The following NLGN1 variants were observed in gnomAD, a reference collection of about 807,000 sequenced individuals.
NLGN1 encodes the protein neuroligin 1, also known as neuroligin-1.
NLGN1 carries 12 observed loss-of-function variants against 65.5 expected under a neutral mutation model. That is an observed-to-expected ratio of 0.18 (90% confidence interval 0.12 to 0.30). The LOEUF is 0.30. Among genes scored for constraint, NLGN1 ranks in the 10% least tolerant of loss-of-function variants. The probability of loss-of-function intolerance (pLI) is 1.00; values close to 1 mark genes in which losing one functional copy is unlikely to be tolerated. For missense variants in NLGN1, 750 were observed against 1,007.1 expected (o/e 0.74, Z 3.46); for synonymous variants, 350 against 359.5 (o/e 0.97, Z 0.30).
chr3:173,805,939 AT>A (rs1180412668), intron 3 of NLGN1, among the ~76,000 whole-genome samples: 4 of 152,022 alleles, frequency 2.6e-5, no homozygotes, highest in Non-Finnish European at 5.9e-5. Flanking sequence ...AATGAATACT[AT>A]TTTTTTCTCC....
intron 4 of NLGN1, among the ~76,000 whole-genome samples, chr3:174,219,581 G>A (rs896664658): frequency 6.6e-6 from 1 of 152,128 alleles, no homozygotes; most frequent in African/African-American, 2.4e-5. Context: ...GAGAACTGCA[G>A]CAAGGAGACT....
At chr3:173,838,311 T>C (rs1326020604) in intron 4 of NLGN1, among the ~76,000 whole-genome samples, 1 of 152,148 alleles carries the variant, frequency 6.6e-6, no homozygotes, top group Non-Finnish European at 1.5e-5. Flanking sequence ...CCTTATAAAA[T>C]AGATATGATA....
intron 4 of NLGN1, among the ~76,000 whole-genome samples, chr3:174,206,554 C>G (rs1032576000): frequency 6.6e-6 from 1 of 152,212 alleles, no homozygotes; most frequent in Non-Finnish European, 1.5e-5. Flanking sequence ...GTCCTACACT[C>G]AGCCCCCACT....
At chr3:173,403,790 G>A (rs921648058) in intron 1 of NLGN1, among the ~76,000 whole-genome samples, 1 of 151,776 alleles carries the variant, frequency 6.6e-6, no homozygotes, top group Non-Finnish European at 1.5e-5. Flanking sequence ...TTTTTAAATC[G>A]TAGCTGCTTC....
At chr3:173,664,400 G>A (rs1001860385) in intron 3 of NLGN1, among the ~76,000 whole-genome samples, 1 of 152,002 alleles carries the variant, frequency 6.6e-6, no homozygotes, top group African/African-American at 2.4e-5. Flanking sequence ...AATGGAATTG[G>A]CATCTAAATT....
rs138578868 is a variant in NLGN1, at chr3:173,922,855, G to C, written c.646+115023G>C. 3.1e-3 allele frequency among the ~76,000 whole-genome samples: 465 copies of C among 152,108 alleles called. 1 individual carries two copies. Among genetic ancestry groups the C allele is most frequent in the Non-Finnish European group, 5.5e-3 (371 of 67,980 alleles). ...TAGACTGCTTGGGGTTAAATTCCAC[G>C]AGCAATTCCATTAAACTCTTTATTC... On this transcript the variant is annotated intron_variant, in intron 4 of 6. Coordinates refer to ENST00000457714, the Ensembl canonical transcript of NLGN1.
intron 4 of NLGN1, among the ~76,000 whole-genome samples, chr3:173,974,229 A>C (rs1716926122): frequency 7.3e-6 from 1 of 136,214 alleles, no homozygotes; most frequent in African/African-American, 2.6e-5. Flanking sequence ...ACTTCATTCC[A>C]AAAAAAAAAA....
At chr3:173,438,414 T>G (rs1203531842) in intron 2 of NLGN1, among the ~76,000 whole-genome samples, 3 of 152,008 alleles carry the variant, frequency 2.0e-5, no homozygotes, top group Admixed American at 1.3e-4. Context: ...ATGGCAGAAA[T>G]GAAGGAAATA....
At chr3:173,643,857 T>C (rs1043542478) in intron 3 of NLGN1, among the ~76,000 whole-genome samples, 1 of 152,202 alleles carries the variant, frequency 6.6e-6, no homozygotes, top group African/African-American at 2.4e-5. Flanking sequence ...TGTGCCATCA[T>C]GTGCACTGGT....
At chr3:174,133,032 C>T (rs9883348) in intron 4 of NLGN1, among the ~76,000 whole-genome samples, 8,398 of 152,266 alleles carry the variant, frequency 0.055, 297 homozygotes, top group African/African-American at 0.086. Context: ...TGCCAGTAAA[C>T]TAAAAATGAT....
At chr3:173,440,959 T>A (rs1040497319) in intron 2 of NLGN1, among the ~76,000 whole-genome samples, 1 of 152,204 alleles carries the variant, frequency 6.6e-6, no homozygotes, top group African/African-American at 2.4e-5. Context: ...AATTTGTTGC[T>A]TTCTATAGCC....
chr3:173,994,098 A>C (rs1300295820), intron 4 of NLGN1, among the ~76,000 whole-genome samples: 1 of 151,982 alleles, frequency 6.6e-6, no homozygotes, highest in African/African-American at 2.4e-5. Context: ...AAAAATATAA[A>C]GTTTAATACT....
chr3:173,640,784 G>A (rs1577684793), intron 3 of NLGN1, among the ~76,000 whole-genome samples: 1 of 152,030 alleles, frequency 6.6e-6, no homozygotes, highest in South Asian at 2.1e-4. Flanking sequence ...AAGTCCAAAC[G>A]TTGCTTACAA....
intron 2 of NLGN1, among the ~76,000 whole-genome samples, chr3:173,499,692 G>A (rs1397512377): frequency 6.6e-6 from 1 of 151,814 alleles, no homozygotes; most frequent in Non-Finnish European, 1.5e-5. Flanking sequence ...CATGAGCATG[G>A]GATGTTCTTC....
chr3:173,710,707 T>G (rs1768815142), intron 3 of NLGN1, among the ~76,000 whole-genome samples: 1 of 152,184 alleles, frequency 6.6e-6, no homozygotes, highest in Admixed American at 6.5e-5. Context: ...CTGAGAATCT[T>G]TTAACAATAA....
rs1056534202 is a variant in NLGN1 at position 173,497,924 on chromosome 3, A to G, written c.-321+62846A>G. Among the ~76,000 whole-genome samples, 71 of 151,832 alleles carry G rather than the reference A, an allele frequency of 4.7e-4. 1 individual carries two copies. Among genetic ancestry groups the G allele is most frequent in the African/African-American group, 1.7e-3 (71 of 41,140 alleles). On this transcript the variant is annotated intron_variant, in intron 2 of 6. Coordinates refer to ENST00000457714, the Ensembl canonical transcript of NLGN1. ...TATGAATGTATCTGATAATTTTCAT[A>G]ATAAAAATTCCTTTGTTGTTCAGAA...
At chr3:173,926,284 T>G in intron 4 of NLGN1, among the ~76,000 whole-genome samples, 1 of 152,326 alleles carries the variant, frequency 6.6e-6, no homozygotes, top group Non-Finnish European at 1.5e-5. Context: ...CTGGAAAAGA[T>G]AATTTTACTA....
chr3:174,107,093 T>C (rs569797570), intron 4 of NLGN1, among the ~76,000 whole-genome samples: 1 of 151,092 alleles, frequency 6.6e-6, no homozygotes, highest in African/African-American at 2.4e-5. Context: ...CCTACTTCAG[T>C]TGTCACATAA....
Position 173,903,292 on chromosome 3 carries a change from G to C in NLGN1, c.646+95460G>C, listed in dbSNP as rs960655943. ...AGCATGGGGAGGAGAGGATGATCAG[G>C]AGAGAGAACAGACCAGACTCAGCTA... is the stretch of plus-strand genomic sequence containing the variant. On this transcript the variant is annotated intron_variant, in intron 4 of 6. Transcript: ENST00000457714. Among the ~76,000 whole-genome samples, 4 of 152,058 alleles carry C rather than the reference G, an allele frequency of 2.6e-5. No individual in the cohort carries two copies. In the East Asian group the frequency reaches 5.8e-4, roughly 22 times the overall value.
Sources: allele counts gnomAD v4.1 joint callset (sites outside exome capture counted in the v4.1 genomes callset), GRCh38; gene constraint gnomAD v4.1.1; transcripts MANE v1.5; gene names NCBI Gene and HGNC (gene_info 2026-07-23, HGNC 2026-07-21).